The following SLC37A2 variants were observed in gnomAD, a reference collection of about 807,000 sequenced individuals.
The protein encoded by SLC37A2 is solute carrier family 37 member 2.
In SLC37A2, 59 loss-of-function variants were observed where a neutral mutation model predicts 70.7. The observed-to-expected ratio is 0.83, with a 90% confidence interval of 0.68 to 1.04. SLC37A2 has a LOEUF of 1.04. Ranked by LOEUF, SLC37A2 falls within the 50% of genes least tolerant of loss-of-function variation. SLC37A2 has a pLI of 0.00. For synonymous variants in SLC37A2, 257 were observed against 262.1 expected, an observed-to-expected ratio of 0.98 and a Z score of 0.19; for missense variants, 580 against 658.1, an observed-to-expected ratio of 0.88 and a Z score of 1.30.
chr11:125,063,531 C>T lies in SLC37A2; in HGVS notation c.59+105C>T, dbSNP rs1948951778. 3 of 1,114,026 alleles carry T rather than the reference C, an allele frequency of 2.7e-6. No homozygotes were observed. Among genetic ancestry groups the T allele is most frequent in the Non-Finnish European group, 3.8e-6 (3 of 785,732 alleles). The allele number at this position is 1,114,026 out of a possible 1,614,324, so 69.0% of individuals were successfully genotyped here. On this transcript the variant is annotated intron_variant, in intron 1 of 17. Coordinates refer to ENST00000403796, the MANE Select transcript of SLC37A2 (RefSeq NM_001145290.2). This position sits in a 1 kb window ranked among gnomAD's most constrained non-coding sequence, Gnocchi z 5.4. ...CACCCCAGATCGGCCCCGGCGTCGC[C>T]GCGTGGCCAGGGGTGCTGGGGGGAC...
intron 1 of SLC37A2, 71 bp from the exon 2 acceptor site, chr11:125,076,686 C>A: frequency 7.0e-7 from 1 of 1,432,212 alleles, no homozygotes; most frequent in South Asian, 1.2e-5. Context: ...GGACACGGGT[C>A]AGGGATGCCG....
intron 5 of SLC37A2, 114 bp downstream of exon 5, chr11:125,079,361 C>G (rs572500780): frequency 5.2e-6 from 7 of 1,339,600 alleles, no homozygotes; most frequent in African/African-American, 1.4e-5. Context: ...CCAGTGCTCT[C>G]TATTACACTG....
intron 1 of SLC37A2, among the ~76,000 whole-genome samples, chr11:125,076,165 T>C (rs1490702951): frequency 6.6e-6 from 1 of 152,038 alleles, no homozygotes; most frequent in Non-Finnish European, 1.5e-5. Flanking sequence ...ATGGAAAGAA[T>C]GGGCTCTGTC....
In SLC37A2 at chr11:125,089,893, G is replaced by A. The variant is rs528314638; in HGVS notation, c.*1759G>A. The A allele has an allele frequency of 5.1e-5, 8 of 158,218 alleles. No individual in the cohort carries two copies. The South Asian group carries it at 7.1e-4, about 14-fold the overall frequency. The allele number at this position is 158,218 out of a possible 1,614,324, so 9.8% of individuals were successfully genotyped here. ...GCTGAGGAGTGCGAGCGCACGGCGC[G>A]GGACTGGCAGGCAGCTCCACCTGCA... On this transcript the variant is annotated 3_prime_UTR_variant, in exon 18 of 18. Transcript: ENST00000403796.
At chr11:125,068,127 C>A (rs1473180108) in intron 1 of SLC37A2, among the ~76,000 whole-genome samples, 1 of 152,206 alleles carries the variant, frequency 6.6e-6, no homozygotes, top group East Asian at 1.9e-4. Flanking sequence ...TTTCACACTT[C>A]TCAAGGTGTG....
Position 125,076,830 on chromosome 11 carries a change from A to G in SLC37A2, c.133A>G (p.Ile45Val), listed in dbSNP as rs138498389. The change falls in exon 2 of 18, where the codon ATC (isoleucine) becomes GTC (valine). Residue 45 changes from isoleucine to valine, a missense_variant. Physicochemically the swap from Ile to Val is conservative, Grantham distance 29. Transcript: ENST00000403796. ...TCACATGTCCAGGAAGCCTATCAGT[A>G]TCGTCAAGGTGAGGCTGGCTGGCAG... Reference protein sequence around the residue: ...CYHMSRKPISIVKSRLHQNCS... With the variant: ...CYHMSRKPISVVKSRLHQNCS... 19 of 1,614,006 alleles carry G rather than the reference A, an allele frequency of 1.2e-5. No homozygotes were observed. In the African/African-American group the frequency reaches 1.9e-4, roughly 16 times the overall value.
At chr11:125,076,035 G>A (rs1321320810) in intron 1 of SLC37A2, among the ~76,000 whole-genome samples, 1 of 151,792 alleles carries the variant, frequency 6.6e-6, no homozygotes, top group Non-Finnish European at 1.5e-5. Context: ...TCAGGCTTGG[G>A]GAGCGGCCGG....
At chr11:125,078,416 C>T (rs1949112818) in intron 4 of SLC37A2, among the ~76,000 whole-genome samples, 1 of 152,108 alleles carries the variant, frequency 6.6e-6, no homozygotes, top group Non-Finnish European at 1.5e-5. Context: ...ACAGAGTGAC[C>T]AATTTGACAG....
intron 1 of SLC37A2, among the ~76,000 whole-genome samples, chr11:125,071,869 G>A (rs1426094791): frequency 6.6e-6 from 1 of 152,036 alleles, no homozygotes; most frequent in Non-Finnish European, 1.5e-5. Flanking sequence ...GGTGGGCACT[G>A]TCACCATTGA....
intron 1 of SLC37A2, among the ~76,000 whole-genome samples, chr11:125,064,217 C>T (rs75944422): frequency 6.6e-6 from 1 of 152,058 alleles, no homozygotes; most frequent in South Asian, 2.1e-4. Context: ...CGACGTGGAC[C>T]GGGCATGGTG....
intron 7 of SLC37A2, 90 bp from the exon 8 acceptor site, chr11:125,081,331 G>C: frequency 7.6e-7 from 1 of 1,321,016 alleles, no homozygotes; most frequent in Admixed American, 2.1e-5. Flanking sequence ...GGATGGCTTA[G>C]ATCCAGTGCA....
At chr11:125,086,120 C>A in intron 17 of SLC37A2, 102 bp downstream of exon 17, 2 of 1,536,430 alleles carry the variant, frequency 1.3e-6, no homozygotes, top group Non-Finnish European at 1.8e-6. Context: ...CTCGACCAGC[C>A]CAGACCTGAG....
In SLC37A2 at chr11:125,086,064, C is replaced by T. The variant is rs747932020; in HGVS notation, c.1490+46C>T. 3.2e-5 allele frequency: 51 copies of T among 1,591,226 alleles called. No individual in the cohort carries two copies. In the Admixed American group the frequency reaches 6.2e-4, roughly 19 times the overall value. ...CTGCCCCTCTACCAACCTCATTTCT[C>T]GTGGGAATCAGCCCAGCGCTCAGTT... On this transcript the variant is annotated intron_variant, in intron 17 of 17. Transcript: ENST00000403796.
chr11:125,083,509 G>T lies in SLC37A2; in HGVS notation c.977-306G>T, dbSNP rs1378762648. The T allele has an allele frequency of 9.0e-6, 3 of 332,060 alleles. No individual in the cohort carries two copies. Among genetic ancestry groups the T allele is most frequent in the South Asian group, 8.8e-5 (2 of 22,854 alleles). 20.6% of individuals were successfully genotyped at this position (332,060 alleles called of 1,614,324 possible). ...CTGAGCTTCAGGTTGCGCTCCAGGG[G>T]AAAGGTGGCCACGGGACAGCAGGCT... On this transcript the variant is annotated intron_variant, in intron 10 of 17. Transcript: ENST00000403796. The surrounding 1 kb of genome is among the most constrained non-coding windows in gnomAD (Gnocchi z 4.6).
chr11:125,078,985 C>A, intron 4 of SLC37A2, 127 bp from the exon 5 acceptor site: 2 of 1,206,130 alleles, frequency 1.7e-6, no homozygotes, highest in South Asian at 1.4e-5. Flanking sequence ...CGTCACATGG[C>A]AACACAGAAG....
Position 125,088,122 on chromosome 11 carries a change from TA to T in SLC37A2, c.1497del (p.Glu500LysfsTer40). ...KVSLSRGSGY[K>X]EI ...CCCCCCTCTCCTCTTCATGCAGGTA[TA>T]AAGAAATATGAGGCCCCAATTGGAA... On this transcript the variant is annotated frameshift_variant, in exon 18 of 18. Coordinates refer to ENST00000403796, the MANE Select transcript of SLC37A2 (RefSeq NM_001145290.2). LOFTEE classifies it high-confidence loss of function. 1 of 1,551,800 alleles carries T rather than the reference TA, an allele frequency of 6.4e-7. No homozygotes were observed. The highest frequency in any genetic ancestry group is 8.7e-7 in the Non-Finnish European group (1 of 1,147,050).
chr11:125,079,130 G>A lies in SLC37A2; in HGVS notation c.333G>A (p.Arg111=). The change falls in exon 5 of 18, where the codon CGG becomes CGA. Residue 111 remains arginine, a synonymous_variant. Transcript: ENST00000403796. ...GMFISGVFGE[R]LPLRYYLSAG... ...TCCCCAGTGGGGTTTTTGGGGAGCG[G>A]CTTCCGCTCCGTTACTACCTCTCAG... 1.2e-6 allele frequency: 2 copies of A among 1,614,184 alleles called. No homozygotes were observed. Among genetic ancestry groups the A allele is most frequent in the Non-Finnish European group, 1.7e-6 (2 of 1,180,014 alleles).
At position 125,080,050 on chromosome 11, in the gene SLC37A2, G is replaced by A. The variant is rs940245763; in HGVS notation, c.527+290G>A. ...AACTTCCGCCCTGCCCCCCAACCCCGACCCCGAATTGGCTTGTGTGCAAAA... is the reference window on the plus strand; with the variant it reads ...AACTTCCGCCCTGCCCCCCAACCCCAACCCCGAATTGGCTTGTGTGCAAAA... On this transcript the variant is annotated intron_variant, in intron 6 of 17. Coordinates refer to ENST00000403796, the MANE Select transcript of SLC37A2 (RefSeq NM_001145290.2). This position sits in a 1 kb window ranked among gnomAD's most constrained non-coding sequence, Gnocchi z 4.3. Among the ~76,000 whole-genome samples the A allele has an allele frequency of 3.3e-5, 5 of 152,052 alleles. No homozygotes were observed. The highest frequency in any genetic ancestry group is 5.9e-5 in the Non-Finnish European group (4 of 68,010).
rs1027369849 is a variant in SLC37A2, at chr11:125,083,173, T to C, written c.977-642T>C. 5 of 152,540 alleles carry C rather than the reference T, an allele frequency of 3.3e-5. No homozygotes were observed. The highest frequency in any genetic ancestry group is 1.2e-4 in the African/African-American group (5 of 41,452). The allele number at this position is 152,540 out of a possible 1,614,324, so 9.4% of individuals were successfully genotyped here. A position where few individuals can be genotyped will look rare whatever the true frequency, so the allele number is the denominator to read the frequency against. ...ATTAGTCATGGCCAAGTTCAAGCCATAGCTTGCCCCGCAGCTCTGTCGGGG... is the reference window on the plus strand; with the variant it reads ...ATTAGTCATGGCCAAGTTCAAGCCACAGCTTGCCCCGCAGCTCTGTCGGGG... On this transcript the variant is annotated intron_variant, in intron 10 of 17. Coordinates refer to ENST00000403796, the MANE Select transcript of SLC37A2 (RefSeq NM_001145290.2). The surrounding 1 kb of genome is among the most constrained non-coding windows in gnomAD (Gnocchi z 4.6).
Sources: gnomAD v4.1 joint callset for allele counts (sites outside exome capture counted in the v4.1 genomes callset) on GRCh38, gnomAD v4.1.1 for gene constraint, Gnocchi (gnomAD v3.1) non-coding constraint, MANE v1.5 for transcripts, NCBI Gene and HGNC (gene_info 2026-07-23, HGNC 2026-07-21) for gene names.